Variants in TWSG1 observed in about 807,000 individuals in gnomAD.
The protein encoded by TWSG1 is twisted gastrulation BMP signaling modulator 1.
Under a neutral mutation model 23.0 loss-of-function variants are expected in TWSG1, and 15 were observed. That is an observed-to-expected ratio of 0.65 (90% confidence interval 0.44 to 1.00). TWSG1 has a LOEUF of 1.00. TWSG1 is among the 50% of genes least tolerant of loss of function. The pLI is 0.00. For synonymous variants in TWSG1, 86 were observed against 92.8 expected (o/e 0.93, Z 0.42); for missense variants, 242 against 278.7 (o/e 0.87, Z 0.94).
intron 3 of TWSG1, among the ~76,000 whole-genome samples, chr18:9,392,357 G>A (rs886377171): frequency 6.6e-6 from 1 of 152,178 alleles, no homozygotes; most frequent in Non-Finnish European, 1.5e-5. Flanking sequence ...TTATAGAGAT[G>A]GCTTCTTTCC....
At chr18:9,397,585 T>C (rs2040742902) in intron 4 of TWSG1, among the ~76,000 whole-genome samples, 1 of 152,248 alleles carries the variant, frequency 6.6e-6, no homozygotes, top group East Asian at 1.9e-4. Context: ...AATTTTACTG[T>C]GGAAGCATAA....
At chr18:9,386,083 C>T (rs886549984) in intron 3 of TWSG1, among the ~76,000 whole-genome samples, 16 of 151,572 alleles carry the variant, frequency 1.1e-4, no homozygotes, top group Non-Finnish European at 2.2e-4. Context: ...ACAGGAGAAT[C>T]GCTTGATCCC....
At chr18:9,373,617 A>G (rs914238730) in intron 3 of TWSG1, among the ~76,000 whole-genome samples, 1 of 152,224 alleles carries the variant, frequency 6.6e-6, no homozygotes. Flanking sequence ...ATAGTTGAAG[A>G]CTTCAACCCC....
At chr18:9,351,449 A>C (rs2040501526) in intron 2 of TWSG1, among the ~76,000 whole-genome samples, 1 of 152,016 alleles carries the variant, frequency 6.6e-6, no homozygotes, top group Admixed American at 6.5e-5. Flanking sequence ...CTTTGAAAAA[A>C]ATTATGTTTG....
intron 2 of TWSG1, among the ~76,000 whole-genome samples, chr18:9,352,530 C>A (rs1257310872): frequency 6.6e-6 from 1 of 152,156 alleles, no homozygotes; most frequent in Admixed American, 6.5e-5. Context: ...AATCCAGGAA[C>A]ACCATTCCTT....
chr18:9,384,560 A>C (rs1421240219), intron 3 of TWSG1, among the ~76,000 whole-genome samples: 2 of 152,212 alleles, frequency 1.3e-5, no homozygotes, highest in Non-Finnish European at 2.9e-5. Flanking sequence ...AATAACTCTA[A>C]AAACAAAGAT....
chr18:9,384,952 G>A (rs1391803233), intron 3 of TWSG1, among the ~76,000 whole-genome samples: 1 of 151,968 alleles, frequency 6.6e-6, no homozygotes, highest in African/African-American at 2.4e-5. Context: ...CGGCCCAGAT[G>A]TGCTTGCTCT....
At chr18:9,372,182 T>A (rs2040608873) in intron 3 of TWSG1, among the ~76,000 whole-genome samples, 1 of 151,742 alleles carries the variant, frequency 6.6e-6, no homozygotes, top group Non-Finnish European at 1.5e-5. Flanking sequence ...TATACAGTAG[T>A]TCCCCCTTAT....
intron 2 of TWSG1, among the ~76,000 whole-genome samples, chr18:9,352,781 C>T (rs2040507851): frequency 1.3e-5 from 2 of 152,136 alleles, no homozygotes; most frequent in African/African-American, 4.8e-5. Context: ...TTGTTAGTTT[C>T]CATTTCTGGC....
intron 2 of TWSG1, among the ~76,000 whole-genome samples, chr18:9,349,155 T>C (rs569888484): frequency 1.3e-5 from 2 of 152,052 alleles, no homozygotes; most frequent in African/African-American, 4.8e-5. Context: ...AAAAAAAAAA[T>C]TTGGTAATAT....
rs1368737266 is a variant in TWSG1 at position 9,344,529 on chromosome 18, G to GTTT, written c.123+7178_123+7179insTTT. Reference sequence around the variant, plus strand: ...TGTGTGTGTGTGTGTGTGTATGTATGTATTTTTTTTTTTTTTTGAGAGAGG... The same window carrying GTTT: ...TGTGTGTGTGTGTGTGTGTATGTATGTTTTATTTTTTTTTTTTTTTGAGAGAGG... On this transcript the variant is annotated intron_variant, in intron 2 of 4. Coordinates refer to ENST00000262120, the MANE Select transcript of TWSG1 (RefSeq NM_020648.6). Among the ~76,000 whole-genome samples the GTTT allele has an allele frequency of 9.9e-5, 3 of 30,434 alleles. 1 individual carries two copies. Among genetic ancestry groups the GTTT allele is most frequent in the East Asian group, 2.7e-3 (2 of 738 alleles). The allele number at this position is 30,434 out of a possible 152,430, so 20.0% of individuals were successfully genotyped here.
At chr18:9,359,602 C>A (rs1226728757) in intron 2 of TWSG1, among the ~76,000 whole-genome samples, 1 of 152,166 alleles carries the variant, frequency 6.6e-6, no homozygotes, top group Non-Finnish European at 1.5e-5. Flanking sequence ...TATTGAGGAA[C>A]CCTACAAGTT....
At position 9,385,461 on chromosome 18, in the gene TWSG1, G is replaced by T. The variant is rs1477865814; in HGVS notation, c.224-10819G>T. On this transcript the variant is annotated intron_variant, in intron 3 of 4. Transcript: ENST00000262120. ...CCCAGCACTTTGGGAGGCCGAGGCG[G>T]GTGGATCATGAGGTCAGGAGATCGA... Among the ~76,000 whole-genome samples, 3 of 38,230 alleles carry T rather than the reference G, an allele frequency of 7.8e-5. 1 individual carries two copies. The highest frequency in any genetic ancestry group is 1.6e-4 in the Non-Finnish European group (3 of 18,386). 25.1% of individuals were successfully genotyped at this position (38,230 alleles called of 152,430 possible).
intron 1 of TWSG1, among the ~76,000 whole-genome samples, 170 bp downstream of exon 1, chr18:9,335,090 GCGCACA>G (rs1327789677): frequency 7.9e-5 from 12 of 152,000 alleles, no homozygotes; most frequent in African/African-American, 2.7e-4. Flanking sequence ...CTGGGCGCGG[GCGCACA>G]GGCCGGACGC....
intron 3 of TWSG1, among the ~76,000 whole-genome samples, chr18:9,367,679 C>T (rs983959371): frequency 3.3e-5 from 5 of 152,164 alleles, no homozygotes; most frequent in African/African-American, 7.2e-5. Flanking sequence ...CTATTGTGAA[C>T]TGCACATACG....
At chr18:9,355,091 G>A (rs1234121937) in intron 2 of TWSG1, among the ~76,000 whole-genome samples, 1 of 152,048 alleles carries the variant, frequency 6.6e-6, no homozygotes, top group Non-Finnish European at 1.5e-5. Flanking sequence ...GAGTAGCTGG[G>A]ACTACAGGCA....
At chr18:9,395,310 G>T (rs1030447099) in intron 3 of TWSG1, among the ~76,000 whole-genome samples, 10 of 152,232 alleles carry the variant, frequency 6.6e-5, no homozygotes, top group African/African-American at 2.4e-4. Context: ...CATTATTAAT[G>T]ACCTTTTGTA....
chr18:9,357,831 G>A (rs75480046), intron 2 of TWSG1, among the ~76,000 whole-genome samples: 3,218 of 95,570 alleles, frequency 0.034, 99 homozygotes, highest in African/African-American at 0.091. Flanking sequence ...TAAGGAGGAG[G>A]AGCAGGGAAG....
intron 3 of TWSG1, among the ~76,000 whole-genome samples, chr18:9,373,008 GA>G (rs142383786): frequency 0.075 from 11,465 of 152,210 alleles, 526 homozygotes; most frequent in Admixed American, 0.097. Flanking sequence ...TTACCTACAA[GA>G]AACCCACTTT....
Sources: gnomAD v4.1 joint callset for allele counts (sites outside exome capture counted in the v4.1 genomes callset) on GRCh38, gnomAD v4.1.1 for gene constraint, MANE v1.5 for transcripts, NCBI Gene and HGNC (gene_info 2026-07-23, HGNC 2026-07-21) for gene names.